The following MACF1 variants were observed in gnomAD, a reference collection of about 807,000 sequenced individuals.
MACF1 encodes the protein microtubule actin crosslinking factor 1, also known as microtubule-actin cross-linking factor 1.
MACF1 carries 193 observed loss-of-function variants against 854.8 expected under a neutral mutation model. The observed-to-expected ratio is 0.23, with a 90% CI of 0.20 to 0.25. MACF1 has a LOEUF of 0.25. MACF1 is among the 10% of genes least tolerant of loss of function. The pLI is 1.00. For synonymous variants in MACF1, 3,185 were observed against 3,226.7 expected (o/e 0.99, Z 0.44); for missense variants, 7,722 against 8,929.1 (o/e 0.86, Z 5.45).
intron 2 of MACF1, among the ~76,000 whole-genome samples, chr1:39,087,319 T>G (rs1330277417): frequency 6.6e-6 from 1 of 152,250 alleles, no homozygotes; most frequent in African/African-American, 2.4e-5. Context: ...TCCCTTTCCC[T>G]GGCCCACTCC....
intron 49 of MACF1, among the ~76,000 whole-genome samples, chr1:39,363,472 C>G (rs1244552184): frequency 6.6e-6 from 1 of 152,022 alleles, no homozygotes; most frequent in Non-Finnish European, 1.5e-5. Flanking sequence ...TTACGTAATC[C>G]TTTGCTTTTT....
intron 6 of MACF1, among the ~76,000 whole-genome samples, chr1:39,261,033 A>G (rs1228616348): frequency 1.3e-5 from 2 of 152,182 alleles, no homozygotes; most frequent in Non-Finnish European, 2.9e-5. Context: ...TTGTTAAGCC[A>G]CAAATTCAAT....
At chr1:39,206,897 C>T (rs1644456406) in intron 1 of MACF1, 1 of 151,952 alleles carries the variant, frequency 6.6e-6, no homozygotes, top group South Asian at 2.1e-4. Context: ...TAAAGTTTTT[C>T]CACCATCTCT....
intron 2 of MACF1, among the ~76,000 whole-genome samples, chr1:39,146,948 G>A (rs1054327501): frequency 1.3e-5 from 2 of 152,062 alleles, no homozygotes; most frequent in African/African-American, 2.4e-5. Context: ...AATATCTCAT[G>A]TAACCCATAA....
intron 2 of MACF1, among the ~76,000 whole-genome samples, chr1:39,196,301 G>T (rs1300999523): frequency 6.6e-6 from 1 of 152,150 alleles, no homozygotes; most frequent in Non-Finnish European, 1.5e-5. Flanking sequence ...TTACTTTATT[G>T]TATTCAATGA....
intron 25 of MACF1, 122 bp from the exon 26 acceptor site, chr1:39,310,709 T>C: frequency 2.0e-6 from 2 of 997,262 alleles, no homozygotes; most frequent in African/African-American, 1.6e-5. Context: ...ATGTGAAATT[T>C]AGGATCAGGT....
At chr1:39,304,654 C>G (rs71518424) in intron 23 of MACF1, 7,186 of 481,036 alleles carry the variant, frequency 0.015, 65 homozygotes, top group Middle Eastern at 0.028. Context: ...AGCTCCGCCT[C>G]CTGTGTTCAC....
rs1641867756 is a variant in MACF1 at position 39,388,013 on chromosome 1, A to G, written c.15171A>G (p.Glu5057=). 2.5e-6 allele frequency: 4 copies of G among 1,614,064 alleles called. No individual in the cohort carries two copies. The highest frequency in any genetic ancestry group is 3.4e-6 in the Non-Finnish European group (4 of 1,180,046). ...KNLEKLRAQQ[E]VLQALEPQVD... ...TGGAGAAGCTAAGAGCTCAACAGGAAGTGCTGCAGGCCCTAGAGCCTCAGG... is the reference window on the plus strand; with the variant it reads ...TGGAGAAGCTAAGAGCTCAACAGGAGGTGCTGCAGGCCCTAGAGCCTCAGG... Residue 5057 remains glutamate, a synonymous_variant, in exon 58 of 101, where the codon GAA becomes GAG. Transcript: ENST00000564288.
intron 47 of MACF1, among the ~76,000 whole-genome samples, chr1:39,360,052 T>TATACAC (rs1197982446): frequency 2.0e-4 from 10 of 49,876 alleles, no homozygotes; most frequent in South Asian, 7.0e-4. Flanking sequence ...TATATATATA[T>TATACAC]ACACACACAC....
At chr1:39,337,839 G>A (rs1411221861) in intron 38 of MACF1, among the ~76,000 whole-genome samples, 1 of 150,740 alleles carries the variant, frequency 6.6e-6, no homozygotes, top group African/African-American at 2.4e-5. Context: ...GCGTGATCTC[G>A]GCTCACTGCA....
chr1:39,283,076 C>T lies in MACF1; in HGVS notation c.696-113C>T. 1 of 671,626 alleles carries T rather than the reference C, an allele frequency of 1.5e-6. No homozygotes were observed. The highest frequency in any genetic ancestry group is 1.9e-5 in the South Asian group (1 of 52,920). 41.6% of individuals were successfully genotyped at this position (671,626 alleles called of 1,614,324 possible). A position where few individuals can be genotyped will look rare whatever the true frequency, so the allele number is the denominator to read the frequency against. On this transcript the variant is annotated intron_variant, in intron 7 of 100. Coordinates refer to ENST00000564288, the MANE Select transcript of MACF1 (RefSeq NM_001394062.1). This position sits in a 1 kb window ranked among gnomAD's most constrained non-coding sequence, Gnocchi z 4.5. ...CTCTTCTAAACCTCCTGCTTTTTCT[C>T]TAACTCACTTAGTGTTTTTCAGCTC... is the stretch of plus-strand genomic sequence containing the variant.
chr1:39,465,130 A>C lies in MACF1; in HGVS notation c.21771+18A>C. 1 of 1,610,526 alleles carries C rather than the reference A, an allele frequency of 6.2e-7. No homozygotes were observed. Among genetic ancestry groups the C allele is most frequent in the Non-Finnish European group, 8.5e-7 (1 of 1,177,066 alleles). Reference sequence around the variant, plus strand: ...GCAATCAGGTACAGTGTGCCTTGCAATGTTCTCCTTCTCAATGGATATGGT... The same window carrying C: ...GCAATCAGGTACAGTGTGCCTTGCACTGTTCTCCTTCTCAATGGATATGGT... On this transcript the variant is annotated intron_variant, in intron 95 of 100. Transcript: ENST00000564288.
chr1:39,283,582 C>CTTATGGTAT lies in MACF1; in HGVS notation c.915+67_915+68insTTATGGTAT. ...ATTTGGGTGAAATGCATTGGTTAGA[C>CTTATGGTAT]ACTTTCTTAAGCACTTATGGTATAC... is the stretch of plus-strand genomic sequence containing the variant. On this transcript the variant is annotated intron_variant, in intron 9 of 100. Transcript: ENST00000564288. This position sits in a 1 kb window ranked among gnomAD's most constrained non-coding sequence, Gnocchi z 4.5. The CTTATGGTAT allele has an allele frequency of 8.8e-7, 1 of 1,140,660 alleles. No homozygotes were observed. Among genetic ancestry groups the CTTATGGTAT allele is most frequent in the Non-Finnish European group, 1.3e-6 (1 of 754,372 alleles). 70.7% of individuals were successfully genotyped at this position (1,140,660 alleles called of 1,614,324 possible). A position where few individuals can be genotyped will look rare whatever the true frequency, so the allele number is the denominator to read the frequency against.
chr1:39,334,196 A>G lies in MACF1; in HGVS notation c.7608A>G (p.Lys2536=). 6.2e-7 allele frequency: 1 copy of G among 1,614,186 alleles called. No homozygotes were observed. Among genetic ancestry groups the G allele is most frequent in the Non-Finnish European group, 8.5e-7 (1 of 1,180,022 alleles). ...GTGAAGATTTAGCCGAGAAACTCAA[A>G]AGAGTTGAGAACTTAAACATCCATC... The part of the protein sequence containing the change: ...LIGEDLAEKL[K]RVENLNIHQI... Residue 2536 remains lysine (K), a synonymous_variant, in exon 37 of 101, where the codon AAA becomes AAG. Coordinates refer to ENST00000564288, the MANE Select transcript of MACF1 (RefSeq NM_001394062.1).
At chr1:39,142,262 T>A (rs1643361375) in intron 2 of MACF1, among the ~76,000 whole-genome samples, 1 of 152,154 alleles carries the variant, frequency 6.6e-6, no homozygotes, top group Admixed American at 6.5e-5. Flanking sequence ...TGTTGCCTCA[T>A]CTCCCTGGGC....
chr1:39,443,051 T>C (rs191124236), intron 78 of MACF1, 140 bp downstream of exon 78: 2 of 793,010 alleles, frequency 2.5e-6, no homozygotes, highest in Admixed American at 2.8e-5. Flanking sequence ...CTGTAACTTA[T>C]CTAGAAAGAG....
chr1:39,429,253 A>G lies in MACF1; in HGVS notation c.16815A>G (p.Glu5605=), dbSNP rs1557649951. The change falls in exon 64 of 101, where the codon GAA becomes GAG. Residue 5605 remains glutamate (E), a synonymous_variant. Coordinates refer to ENST00000564288, the MANE Select transcript of MACF1 (RefSeq NM_001394062.1). ...RQHADHLALN[E]EIVNRKKNVD... is the part of the protein sequence containing the mutation. ...TTCTTTCCTTTCAGGCTTTAAATGA[A>G]GAAATTGTTAATAGAAAGAAGAATG... 1 of 1,539,732 alleles carries G rather than the reference A, an allele frequency of 6.5e-7. No homozygotes were observed. Among genetic ancestry groups the G allele is most frequent in the South Asian group, 1.1e-5 (1 of 88,776 alleles).
rs750005987 is a variant in MACF1, at chr1:39,332,207, T to A, written c.5619T>A (p.Thr1873=). ...TDALEQGIVS[T]ELAHKILSNR... ...CCCTAGAACAAGGTATTGTGTCTAC[T>A]GAACTAGCACATAAAATCCTTAGTA... Residue 1873 remains threonine, a synonymous_variant, in exon 37 of 101, where the codon ACT becomes ACA. Transcript: ENST00000564288. The A allele has an allele frequency of 1.9e-6, 3 of 1,614,130 alleles. No homozygotes were observed. The highest frequency in any genetic ancestry group is 3.3e-5 in the Admixed American group (2 of 60,028).
chr1:39,405,206 C>A (rs750866802), intron 58 of MACF1, among the ~76,000 whole-genome samples: 1 of 152,114 alleles, frequency 6.6e-6, no homozygotes, highest in Non-Finnish European at 1.5e-5. Context: ...TGAGCCACTC[C>A]GTAGCCATGT....
Sources: gnomAD v4.1 joint callset for allele counts (sites outside exome capture counted in the v4.1 genomes callset) on GRCh38, gnomAD v4.1.1 for gene constraint, Gnocchi (gnomAD v3.1) non-coding constraint, MANE v1.5 for transcripts, NCBI Gene and HGNC (gene_info 2026-07-23, HGNC 2026-07-21) for gene names.